GDPD5: variants seen among roughly 807,000 people sequenced by gnomAD.
GDPD5 encodes glycerophosphodiester phosphodiesterase domain containing 5.
A neutral mutation model predicts 75.1 loss-of-function variants in GDPD5; 48 were observed. That is an observed-to-expected ratio of 0.64 (90% confidence interval 0.51 to 0.81). The LOEUF (loss-of-function observed/expected upper bound fraction) is 0.81, where lower values mean the gene tolerates loss of function less well. Ranked by LOEUF, GDPD5 falls within the 40% of genes least tolerant of loss-of-function variation. The pLI, the probability that GDPD5 is intolerant of heterozygous loss-of-function variation, is 0.00. For synonymous variants in GDPD5, 336 were observed against 339.0 expected (o/e 0.99, Z 0.10); for missense variants, 706 against 822.6 (o/e 0.86, Z 1.73).
At chr11:75,438,455 C>T (rs1175248761) in intron 15 of GDPD5, 4 of 152,392 alleles carry the variant, frequency 2.6e-5, no homozygotes, top group African/African-American at 9.6e-5. Context: ...TCCCCAGCAC[C>T]CTGGGGCTCC....
chr11:75,451,561 C>G (rs1949153881), intron 6 of GDPD5: 1 of 152,368 alleles, frequency 6.6e-6, no homozygotes, highest in Non-Finnish European at 1.5e-5. Flanking sequence ...GCTGCGCAGT[C>G]TCTGGGAGGC....
At position 75,442,659 on chromosome 11, in the gene GDPD5, C is replaced by T. The variant is rs552682094; in HGVS notation, c.949-78G>A. The T allele has an allele frequency of 2.5e-5, 33 of 1,302,886 alleles. No homozygotes were observed. The South Asian group carries it at 2.8e-4, about 11-fold the overall frequency. The allele number at this position is 1,302,886 out of a possible 1,614,324, so 80.7% of individuals were successfully genotyped here. A position where few individuals can be genotyped will look rare whatever the true frequency, so the allele number is the denominator to read the frequency against. On this transcript the variant is annotated intron_variant, in intron 11 of 16. Transcript: ENST00000336898. ...CCCACATACCCTTCTGGCAACCAAG[C>T]GTGGAGACCCCTGGGCTGCCAGAGT... is the stretch of plus-strand genomic sequence containing the variant.
At chr11:75,480,390 C>T (rs1284758789) in intron 2 of GDPD5, among the ~76,000 whole-genome samples, 1 of 151,978 alleles carries the variant, frequency 6.6e-6, no homozygotes, top group East Asian at 1.9e-4. Flanking sequence ...TAAGGTCTTG[C>T]TCTGTTGCCC....
At chr11:75,504,891 G>A (rs1160458287) in intron 1 of GDPD5, among the ~76,000 whole-genome samples, 1 of 152,166 alleles carries the variant, frequency 6.6e-6, no homozygotes, top group Non-Finnish European at 1.5e-5. Flanking sequence ...ACTTTGGGAG[G>A]CCGAGGCAGG....
chr11:75,481,653 C>T (rs1949922695), intron 2 of GDPD5, among the ~76,000 whole-genome samples: 1 of 152,028 alleles, frequency 6.6e-6, no homozygotes, highest in Non-Finnish European at 1.5e-5. Context: ...ATAGGCACCC[C>T]CACATTCCCA....
intron 1 of GDPD5, among the ~76,000 whole-genome samples, chr11:75,505,132 A>AC (rs1395069510): frequency 1.3e-5 from 2 of 151,916 alleles, no homozygotes; most frequent in South Asian, 2.1e-4. Flanking sequence ...AGAAAAAAAA[A>AC]AACAACAAAA....
intron 1 of GDPD5, among the ~76,000 whole-genome samples, chr11:75,497,288 G>A (rs190702220): frequency 6.6e-6 from 1 of 152,124 alleles, no homozygotes; most frequent in Admixed American, 6.5e-5. Context: ...CACACCAAGC[G>A]CATCATGTGA....
chr11:75,496,188 C>T (rs939543758), intron 1 of GDPD5, among the ~76,000 whole-genome samples: 6 of 152,316 alleles, frequency 3.9e-5, no homozygotes, highest in Middle Eastern at 6.8e-3. Context: ...GGCCCAGCAG[C>T]CTCTGCTGCG....
Position 75,525,624 on chromosome 11 carries a change from A to C in GDPD5, c.-559T>G, listed in dbSNP as rs1941638323. The C allele has an allele frequency of 2.0e-5, 3 of 151,586 alleles. No individual in the cohort carries two copies. The highest frequency in any genetic ancestry group is 4.4e-5 in the Non-Finnish European group (3 of 67,862). 9.4% of individuals were successfully genotyped at this position (151,586 alleles called of 1,614,324 possible). On this transcript the variant is annotated 5_prime_UTR_variant, in exon 1 of 17. Transcript: ENST00000336898. ...CGTTAGGAGCGTCCCGTCCCGGCGCAGCGGGTCAGGGCCGGGGCTCCGCGC... is the reference window on the plus strand; with the variant it reads ...CGTTAGGAGCGTCCCGTCCCGGCGCCGCGGGTCAGGGCCGGGGCTCCGCGC...
intron 7 of GDPD5, 130 bp downstream of exon 7, chr11:75,449,755 G>T: frequency 8.1e-7 from 1 of 1,239,642 alleles, no homozygotes; most frequent in Non-Finnish European, 1.2e-6. Flanking sequence ...GGACCCTGGT[G>T]TCCTCCCTAG....
chr11:75,470,088 G>A lies in GDPD5; in HGVS notation c.118-7199C>T, dbSNP rs559722532. ...TTAACATTGTCAGTTATAGGAGGAG[G>A]GGTGAGCTAGAAGCCTTCCTGGAGG... On this transcript the variant is annotated intron_variant, in intron 3 of 16. Coordinates refer to ENST00000336898, the MANE Select transcript of GDPD5 (RefSeq NM_030792.8). Among the ~76,000 whole-genome samples the A allele has an allele frequency of 1.7e-4, 26 of 152,308 alleles. No individual in the cohort carries two copies. The South Asian group carries it at 2.5e-3, about 15-fold the overall frequency.
At chr11:75,472,091 C>G (rs1949680128) in intron 3 of GDPD5, among the ~76,000 whole-genome samples, 2 of 152,278 alleles carry the variant, frequency 1.3e-5, no homozygotes, top group Admixed American at 6.5e-5. Flanking sequence ...ACAATGGTCT[C>G]TTTGGTACAA....
At chr11:75,467,890 T>C (rs898063112) in intron 3 of GDPD5, among the ~76,000 whole-genome samples, 1 of 152,206 alleles carries the variant, frequency 6.6e-6, no homozygotes, top group African/African-American at 2.4e-5. Context: ...CACTGTCTCC[T>C]GAGGATGGTC....
At chr11:75,499,408 T>C (rs1359119579) in intron 1 of GDPD5, among the ~76,000 whole-genome samples, 2 of 150,862 alleles carry the variant, frequency 1.3e-5, no homozygotes, top group Non-Finnish European at 3.0e-5. Flanking sequence ...TTTTTTTTTT[T>C]TTTTTTTTTA....
chr11:75,463,601 G>A (rs1485791102), intron 3 of GDPD5, among the ~76,000 whole-genome samples: 3 of 152,152 alleles, frequency 2.0e-5, no homozygotes, highest in East Asian at 1.9e-4. Flanking sequence ...CCTGCATCCC[G>A]GGAAACTGCT....
chr11:75,473,247 T>C (rs997837328), intron 3 of GDPD5, among the ~76,000 whole-genome samples: 1 of 151,980 alleles, frequency 6.6e-6, no homozygotes, highest in Non-Finnish European at 1.5e-5. Context: ...GGGAGGCTTA[T>C]TTGTCTGTTC....
intron 1 of GDPD5, chr11:75,517,226 A>G (rs1358381278): frequency 6.6e-6 from 1 of 152,172 alleles, no homozygotes; most frequent in Non-Finnish European, 1.5e-5. Context: ...AGGCTGAGGC[A>G]GGCGGATCAC....
chr11:75,441,398 G>T, intron 13 of GDPD5, 88 bp from the exon 14 acceptor site: 1 of 1,513,762 alleles, frequency 6.6e-7, no homozygotes, highest in African/African-American at 1.4e-5. Context: ...TCCTGTTCAC[G>T]ACCTCACAGC....
At chr11:75,494,159 T>G (rs1293982862) in intron 1 of GDPD5, among the ~76,000 whole-genome samples, 2 of 152,136 alleles carry the variant, frequency 1.3e-5, no homozygotes, top group African/African-American at 4.8e-5. Context: ...AAAAACACTC[T>G]TGAAAACATA....
Sources: allele counts gnomAD v4.1 joint callset (sites outside exome capture counted in the v4.1 genomes callset), GRCh38; gene constraint gnomAD v4.1.1; transcripts MANE v1.5; gene names NCBI Gene and HGNC (gene_info 2026-07-23, HGNC 2026-07-21).